The following SNORC variants were observed in gnomAD, a reference collection of about 807,000 sequenced individuals.
SNORC encodes the protein protein SNORC.
Under a neutral mutation model 9.7 loss-of-function variants are expected in SNORC, and 11 were observed. The ratio of observed to expected loss-of-function variants is 1.14; its 90% confidence interval spans 0.72 to 1.88. The LOEUF (loss-of-function observed/expected upper bound fraction) is 1.88. SNORC is among the 40% of genes most tolerant of loss of function. SNORC has a pLI of 0.00. For missense variants in SNORC, 197 were observed against 173.1 expected (o/e 1.14, Z -0.77); for synonymous variants, 108 against 88.7 (o/e 1.22, Z -1.22).
At chr2:232,869,372 C>T (rs1277252619), upstream of SNORC, among the ~76,000 whole-genome samples, 2 of 151,974 alleles carry the variant, frequency 1.3e-5, no homozygotes, top group Non-Finnish European at 2.9e-5. Context: ...GCCCTTAGCG[C>T]GGTGGGAAAC....
chr2:232,866,466 T>C (rs963570783), upstream of SNORC, among the ~76,000 whole-genome samples: 2 of 152,242 alleles, frequency 1.3e-5, no homozygotes, highest in African/African-American at 4.8e-5. Context: ...TTGGTAGCTG[T>C]GTAGCTGTGT....
intron 1 of SNORC, 103 bp from the exon 2 acceptor site, chr2:232,875,837 C>G: frequency 8.2e-7 from 1 of 1,221,808 alleles, no homozygotes; most frequent in Non-Finnish European, 1.1e-6. Context: ...AGCCCAGACC[C>G]CTCACACAGC....
intron 1 of SNORC, among the ~76,000 whole-genome samples, chr2:232,871,986 G>A (rs975549922): frequency 6.6e-6 from 1 of 152,218 alleles, no homozygotes; most frequent in Non-Finnish European, 1.5e-5. Flanking sequence ...CTTGGGGACA[G>A]CCAGGACCTC....
At chr2:232,877,643 C>T (rs558540072), downstream of SNORC, 3 of 152,594 alleles carry the variant, frequency 2.0e-5, no homozygotes, top group East Asian at 5.8e-4. Context: ...CTTTCTCCTC[C>T]TGGACACTGG....
In SNORC at chr2:232,870,509, G is replaced by T. The variant is rs1217028602; in HGVS notation, c.73+95G>T. On this transcript the variant is annotated intron_variant, in intron 1 of 2. Coordinates refer to ENST00000331342, the Ensembl canonical transcript of SNORC. Reference sequence around the variant, plus strand: ...TTCTTCAACGTTCACTGGGGAGGAAGCCCTCTCACAGGAGATGGGATGACT... The same window carrying T: ...TTCTTCAACGTTCACTGGGGAGGAATCCCTCTCACAGGAGATGGGATGACT... 1.1e-5 allele frequency: 13 copies of T among 1,221,912 alleles called. No homozygotes were observed. In the South Asian group the frequency reaches 1.6e-4, roughly 15 times the overall value. The allele number at this position is 1,221,912 out of a possible 1,614,324, so 75.7% of individuals were successfully genotyped here. A position where few individuals can be genotyped will look rare whatever the true frequency, so the allele number is the denominator to read the frequency against.
downstream of SNORC, chr2:232,876,480 G>C (rs1467064159): frequency 1.5e-6 from 2 of 1,354,242 alleles, no homozygotes; most frequent in African/African-American, 3.1e-5. This position sits in a 1 kb window ranked among gnomAD's most constrained non-coding sequence, Gnocchi z 6.8. Flanking sequence ...GCAGGCGAGC[G>C]CTCAGGGCGG....
exon 1 of SNORC, chr2:232,870,303 C>A: frequency 6.5e-7 from 1 of 1,539,560 alleles, no homozygotes; most frequent in Non-Finnish European, 8.8e-7. Flanking sequence ...CGCAGTCCTC[C>A]GTGCGTCCCG....
At chr2:232,873,364 G>A (rs1298991934) in intron 1 of SNORC, among the ~76,000 whole-genome samples, 3 of 151,810 alleles carry the variant, frequency 2.0e-5, no homozygotes, top group South Asian at 2.1e-4. Flanking sequence ...GCTGGGTCAC[G>A]GGGGACAGAT....
chr2:232,878,157 A>G (rs1421861471), downstream of SNORC: 1 of 152,258 alleles, frequency 6.6e-6, no homozygotes, highest in Non-Finnish European at 1.5e-5. Context: ...AGACGCTACA[A>G]AGTCCCACTG....
At chr2:232,871,057 C>G (rs1268983718) in intron 1 of SNORC, among the ~76,000 whole-genome samples, 1 of 152,178 alleles carries the variant, frequency 6.6e-6, no homozygotes, top group Non-Finnish European at 1.5e-5. Flanking sequence ...GCTTCAGAGC[C>G]TGAGAGACAA....
intron 1 of SNORC, chr2:232,875,606 C>A (rs1281545768): frequency 2.2e-6 from 1 of 456,968 alleles, no homozygotes; most frequent in East Asian, 4.7e-5. Context: ...CCTGTGCTTT[C>A]TGTGGGACTG....
At chr2:232,873,424 G>A (rs915169520) in intron 1 of SNORC, among the ~76,000 whole-genome samples, 10 of 152,190 alleles carry the variant, frequency 6.6e-5, no homozygotes, top group South Asian at 2.1e-4. Flanking sequence ...AGAGGGTACC[G>A]TCAAGGGTGG....
intron 1 of SNORC, 124 bp downstream of exon 1, chr2:232,870,538 T>G (rs2106187588): frequency 1.1e-6 from 1 of 951,488 alleles, no homozygotes; most frequent in South Asian, 1.6e-5. Flanking sequence ...GATGACTATT[T>G]GGGGTGATTC....
At chr2:232,877,332 T>G (rs1574976733), downstream of SNORC, 1 of 985,282 alleles carries the variant, frequency 1.0e-6, no homozygotes, top group Non-Finnish European at 1.2e-6. Context: ...TGGTCCAGGG[T>G]CCCCACCTCG....
upstream of SNORC, chr2:232,869,951 A>AG: frequency 3.1e-6 from 1 of 324,932 alleles, no homozygotes; most frequent in East Asian, 9.3e-5. Context: ...GGCCAGAGGC[A>AG]GCAGCATGTT....
chr2:232,869,862 G>A (rs1363494278), upstream of SNORC: 1 of 254,490 alleles, frequency 3.9e-6, no homozygotes, highest in Non-Finnish European at 7.7e-6. Flanking sequence ...GCCTGCTTCA[G>A]GCCAAATTTC....
intron 1 of SNORC, among the ~76,000 whole-genome samples, chr2:232,870,953 G>A (rs983449541): frequency 6.6e-6 from 1 of 152,242 alleles, no homozygotes; most frequent in Non-Finnish European, 1.5e-5. Context: ...CCTCTGGACT[G>A]AGATCAGAGT....
downstream of SNORC, chr2:232,877,979 T>C (rs1055685516): frequency 7.9e-5 from 12 of 152,154 alleles, no homozygotes; most frequent in African/African-American, 1.9e-4. Context: ...GATGGCCCCC[T>C]CTTTCCCTTT....
upstream of SNORC, among the ~76,000 whole-genome samples, chr2:232,866,670 G>T (rs113353407): frequency 2.0e-5 from 3 of 151,984 alleles, no homozygotes; most frequent in African/African-American, 7.3e-5. Context: ...TCAAGTTTGG[G>T]ACACACATGC....
Sources: gnomAD v4.1 joint callset for allele counts (sites outside exome capture counted in the v4.1 genomes callset) on GRCh38, gnomAD v4.1.1 for gene constraint, Gnocchi (gnomAD v3.1) non-coding constraint, MANE v1.5 for transcripts, NCBI Gene and HGNC (gene_info 2026-07-23, HGNC 2026-07-21) for gene names.